The following KCNQ5 variants were observed in gnomAD, a reference collection of about 807,000 sequenced individuals.
KCNQ5 encodes potassium voltage-gated channel subfamily Q member 5.
In KCNQ5, 30 loss-of-function variants were observed where a neutral mutation model predicts 98.2. That is an observed-to-expected ratio of 0.31 (90% CI 0.23 to 0.41). The LOEUF (loss-of-function observed/expected upper bound fraction) is 0.41, where lower values mean the gene tolerates loss of function less well. KCNQ5 is among the 10% of genes least tolerant of loss of function. The probability of loss-of-function intolerance (pLI) is 1.00; values close to 1 mark genes in which losing one functional copy is unlikely to be tolerated. For synonymous variants in KCNQ5, 458 were observed against 449.4 expected, an observed-to-expected ratio of 1.02 and a Z score of -0.24; for missense variants, 835 against 1,182.5, an observed-to-expected ratio of 0.71 and a Z score of 4.31.
chr6:73,113,545 T>G (rs1341296126), intron 7 of KCNQ5, among the ~76,000 whole-genome samples: 1 of 152,258 alleles, frequency 6.6e-6, no homozygotes, highest in South Asian at 2.1e-4. Context: ...ACTTCTCAAG[T>G]GTTCAATAGC....
At chr6:72,751,794 C>T (rs1771698984) in intron 1 of KCNQ5, among the ~76,000 whole-genome samples, 1 of 152,006 alleles carries the variant, frequency 6.6e-6, no homozygotes, top group African/African-American at 2.4e-5. Context: ...GGCGCATTAC[C>T]TACCTTTATT....
intron 1 of KCNQ5, among the ~76,000 whole-genome samples, chr6:72,661,985 T>C (rs1766553279): frequency 6.6e-6 from 1 of 152,158 alleles, no homozygotes; most frequent in Non-Finnish European, 1.5e-5. Context: ...GGTGGCGCAG[T>C]GCTCATGCTT....
intron 1 of KCNQ5, among the ~76,000 whole-genome samples, chr6:72,645,158 C>T (rs1296383251): frequency 6.7e-6 from 1 of 149,424 alleles, no homozygotes; most frequent in Admixed American, 6.8e-5. Context: ...TGTGTTGGAG[C>T]CTGGATTTTA....
chr6:72,787,391 A>G (rs1188649419), intron 1 of KCNQ5, among the ~76,000 whole-genome samples: 1 of 152,224 alleles, frequency 6.6e-6, no homozygotes, highest in Non-Finnish European at 1.5e-5. Flanking sequence ...TAAAATATTT[A>G]CTATCTTGCC....
chr6:72,971,780 T>C (rs1055490313), intron 1 of KCNQ5, among the ~76,000 whole-genome samples: 1 of 152,084 alleles, frequency 6.6e-6, no homozygotes, highest in South Asian at 2.1e-4. Flanking sequence ...TAGGTGGGAA[T>C]TGAACAATGA....
intron 1 of KCNQ5, among the ~76,000 whole-genome samples, chr6:72,907,471 T>A (rs1779750139): frequency 6.6e-6 from 1 of 152,164 alleles, no homozygotes; most frequent in Non-Finnish European, 1.5e-5. Context: ...TACAAAGACT[T>A]CACATTATTT....
chr6:72,714,110 A>G (rs1769518602), intron 1 of KCNQ5, among the ~76,000 whole-genome samples: 1 of 152,184 alleles, frequency 6.6e-6, no homozygotes. Context: ...TGTAAGAACA[A>G]TTACAACTGC....
intron 1 of KCNQ5, among the ~76,000 whole-genome samples, chr6:72,840,932 A>G (rs1013219502): frequency 6.6e-6 from 1 of 152,176 alleles, no homozygotes; most frequent in Non-Finnish European, 1.5e-5. Flanking sequence ...TATGTTTTAC[A>G]TTTGCCCCTG....
chr6:73,157,480 T>G (rs1777411664), intron 10 of KCNQ5: 7 of 698,574 alleles, frequency 1.0e-5, no homozygotes, highest in Non-Finnish European at 1.9e-5. Flanking sequence ...CCACCACAGA[T>G]TCCCAGAACC....
At chr6:73,152,713 A>G (rs971750805) in intron 10 of KCNQ5, among the ~76,000 whole-genome samples, 1 of 152,206 alleles carries the variant, frequency 6.6e-6, no homozygotes, top group Non-Finnish European at 1.5e-5. Flanking sequence ...TGAGTGTATT[A>G]GAGCTGATTA....
intron 1 of KCNQ5, among the ~76,000 whole-genome samples, chr6:72,792,112 C>T (rs1021257013): frequency 3.9e-5 from 6 of 152,118 alleles, no homozygotes; most frequent in Non-Finnish European, 7.3e-5. Context: ...GCCATGGTGG[C>T]AAATCAAATT....
intron 1 of KCNQ5, among the ~76,000 whole-genome samples, chr6:72,893,467 C>T (rs1044130350): frequency 3.3e-5 from 5 of 152,078 alleles, no homozygotes; most frequent in African/African-American, 1.2e-4. Flanking sequence ...TTGCAGGGAG[C>T]GTGAGAGAAA....
intron 1 of KCNQ5, among the ~76,000 whole-genome samples, chr6:72,757,421 A>G (rs1360711556): frequency 6.6e-6 from 1 of 152,220 alleles, no homozygotes; most frequent in Non-Finnish European, 1.5e-5. Flanking sequence ...TGAAAATATC[A>G]TTAATCAAAA....
At chr6:72,844,820 G>A (rs768013615) in intron 1 of KCNQ5, among the ~76,000 whole-genome samples, 6 of 152,144 alleles carry the variant, frequency 3.9e-5, no homozygotes, top group Non-Finnish European at 8.8e-5. Context: ...AAATATAAAC[G>A]GATTATTCTG....
At chr6:72,699,799 A>G (rs1284711440) in intron 1 of KCNQ5, among the ~76,000 whole-genome samples, 1 of 152,228 alleles carries the variant, frequency 6.6e-6, no homozygotes, top group Non-Finnish European at 1.5e-5. Flanking sequence ...GTTCAGACTT[A>G]AGTACTCTTA....
At chr6:73,156,984 G>C (rs1456124319) in intron 10 of KCNQ5, among the ~76,000 whole-genome samples, 3 of 152,156 alleles carry the variant, frequency 2.0e-5, no homozygotes, top group Non-Finnish European at 4.4e-5. Flanking sequence ...CACGGGGCTG[G>C]GGGCTCGGGC....
chr6:73,027,495 A>G (rs185818995), intron 2 of KCNQ5, among the ~76,000 whole-genome samples: 1 of 152,302 alleles, frequency 6.6e-6, no homozygotes, highest in East Asian at 1.9e-4. Context: ...TCTCCTATCA[A>G]TTTTCCTTTG....
intron 10 of KCNQ5, among the ~76,000 whole-genome samples, chr6:73,150,745 A>G (rs1777115178): frequency 6.6e-6 from 1 of 151,730 alleles, no homozygotes; most frequent in Admixed American, 6.6e-5. Context: ...GTTAAGTGAA[A>G]ATATACCAAT....
At chr6:73,003,819 C>G (rs780158726) in intron 1 of KCNQ5, 89 bp from the exon 2 acceptor site, 13 of 824,058 alleles carry the variant, frequency 1.6e-5, no homozygotes, top group Middle Eastern at 2.3e-4. Flanking sequence ...ATTTAATGGG[C>G]CTGGTGCTTT....
Sources: allele counts gnomAD v4.1 joint callset (sites outside exome capture counted in the v4.1 genomes callset), GRCh38; gene constraint gnomAD v4.1.1; transcripts MANE v1.5; gene names NCBI Gene and HGNC (gene_info 2026-07-23, HGNC 2026-07-21).